DHX30: variants seen among roughly 807,000 people sequenced by gnomAD.
DHX30 encodes the protein DExH-box helicase 30, also known as ATP-dependent RNA helicase DHX30.
Under a neutral mutation model 116.9 loss-of-function variants are expected in DHX30, and 4 were observed. The observed-to-expected ratio is 0.03, with a 90% CI of 0.02 to 0.08. The LOEUF (loss-of-function observed/expected upper bound fraction) is 0.08, where lower values mean the gene tolerates loss of function less well. Ranked by LOEUF, DHX30 falls within the 10% of genes least tolerant of loss-of-function variation. The pLI, the probability that DHX30 is intolerant of heterozygous loss-of-function variation, is 1.00. For missense variants in DHX30, 871 were observed against 1,595.1 expected (o/e 0.55, Z 7.73); for synonymous variants, 697 against 651.7 (o/e 1.07, Z -1.06).
intron 3 of DHX30, among the ~76,000 whole-genome samples, chr3:47,813,105 G>A (rs1329442727): frequency 6.6e-6 from 1 of 151,842 alleles, no homozygotes; most frequent in Non-Finnish European, 1.5e-5. Context: ...TTGGGAGGCC[G>A]AGGCAGGCGG....
chr3:47,830,005 T>A lies in DHX30; in HGVS notation c.366+871T>A, dbSNP rs1219767535. Among the ~76,000 whole-genome samples the A allele has an allele frequency of 2.6e-5, 4 of 151,610 alleles. No homozygotes were observed. The East Asian group carries it at 7.9e-4, about 30-fold the overall frequency. ...CGCCACCATGCCCGACTAATTTTTG[T>A]ATTTTTAGTAGAGATGGGGTTTCAA... is the stretch of plus-strand genomic sequence containing the variant. On this transcript the variant is annotated intron_variant, in intron 6 of 21. Coordinates refer to ENST00000445061, the MANE Select transcript of DHX30 (RefSeq NM_138615.3).
Position 47,846,339 on chromosome 3 carries a change from C to T in DHX30, c.1267C>T (p.Arg423Trp), listed in dbSNP as rs374087015. ...CCAGAGTCTGCTAGAACTGTGGCGGCGGCGAGGGCCGGTCTGGCAGGAGGC... is the reference window on the plus strand; with the variant it reads ...CCAGAGTCTGCTAGAACTGTGGCGGTGGCGAGGGCCGGTCTGGCAGGAGGC... ...LSQSLLELWR[R>W]RGPVWQEAPQ... Residue 423 changes from arginine (R) to tryptophan (W), a missense_variant, in exon 11 of 22, where the codon CGG becomes TGG. This residue lies in a region of DHX30 where 175 missense variants were observed against 292.9 expected (regional missense o/e 0.60). Transcript: ENST00000445061. The T allele has an allele frequency of 9.3e-6, 15 of 1,613,916 alleles. No individual in the cohort carries two copies. The highest frequency in any genetic ancestry group is 2.2e-5 in the East Asian group (1 of 44,890).
intron 4 of DHX30, among the ~76,000 whole-genome samples, chr3:47,826,317 T>G (rs1191780273): frequency 6.6e-6 from 1 of 152,172 alleles, no homozygotes; most frequent in East Asian, 1.9e-4. Flanking sequence ...GCTCTGAGAT[T>G]AATCCAAAAA....
At chr3:47,825,060 C>T (rs918866742) in intron 4 of DHX30, 16 of 665,204 alleles carry the variant, frequency 2.4e-5, no homozygotes, top group Non-Finnish European at 4.1e-5. Context: ...CTAGGAGACT[C>T]ATGGCGCTGG....
intron 6 of DHX30, among the ~76,000 whole-genome samples, chr3:47,830,340 C>T (rs763727590): frequency 9.3e-4 from 140 of 150,802 alleles, no homozygotes; most frequent in Non-Finnish European, 1.6e-3. Context: ...CCCAGCTACT[C>T]GGGAGGCTGA....
intron 4 of DHX30, among the ~76,000 whole-genome samples, chr3:47,824,336 G>A (rs567594841): frequency 1.3e-4 from 20 of 152,110 alleles, no homozygotes; most frequent in Admixed American, 6.6e-4. Context: ...ACTTTACGCT[G>A]GACCAGCTCA....
Position 47,848,907 on chromosome 3 carries a change from T to A in DHX30, c.2770-13T>A. On this transcript the variant is annotated splice_polypyrimidine_tract_variant and intron_variant, in intron 17 of 21. Transcript: ENST00000445061. The surrounding 1 kb of genome is among the most constrained non-coding windows in gnomAD (Gnocchi z 9.4). The stretch of plus-strand genomic sequence containing the variant: ...CCTGCCTGTGATCCGGCTGCCCTCT[T>A]CTCCCCTCCCAGGTGAAAGCACTGT... 1 of 1,598,012 alleles carries A rather than the reference T, an allele frequency of 6.3e-7. No homozygotes were observed. Among genetic ancestry groups the A allele is most frequent in the Non-Finnish European group, 8.6e-7 (1 of 1,168,840 alleles).
chr3:47,838,865 C>T (rs1339788508), intron 6 of DHX30, among the ~76,000 whole-genome samples: 2 of 152,096 alleles, frequency 1.3e-5, no homozygotes, highest in Non-Finnish European at 2.9e-5. Context: ...TGCTTAGATT[C>T]CTTGTTTGTT....
At chr3:47,828,588 A>G (rs992344659) in intron 5 of DHX30, among the ~76,000 whole-genome samples, 7 of 151,938 alleles carry the variant, frequency 4.6e-5, no homozygotes, top group Non-Finnish European at 8.8e-5. Flanking sequence ...TGGCTAACAT[A>G]GTGAAATCCC....
intron 3 of DHX30, among the ~76,000 whole-genome samples, chr3:47,810,922 C>T (rs1474166011): frequency 6.6e-6 from 1 of 152,136 alleles, no homozygotes; most frequent in East Asian, 1.9e-4. Context: ...CCCAGTGCCC[C>T]CTTCTGCGTA....
At chr3:47,807,721 A>C (rs1559683629) in intron 2 of DHX30, among the ~76,000 whole-genome samples, 1 of 150,956 alleles carries the variant, frequency 6.6e-6, no homozygotes, top group African/African-American at 2.4e-5. Flanking sequence ...AAAAAAAAAA[A>C]AAAAAAGCAA....
rs778440798 is a variant in DHX30, at chr3:47,827,365, A to G, written c.143A>G (p.Lys48Arg). The G allele has an allele frequency of 1.2e-6, 2 of 1,611,578 alleles. No homozygotes were observed. Among genetic ancestry groups the G allele is most frequent in the Admixed American group, 3.4e-5 (2 of 59,188 alleles). The change falls in exon 5 of 22, where the codon AAA becomes AGA. Residue 48 changes from lysine (K) to arginine (R), a missense_variant. Physicochemically the swap from Lys to Arg is conservative, Grantham distance 26 (BLOSUM62 2). Coordinates refer to ENST00000445061, the MANE Select transcript of DHX30 (RefSeq NM_138615.3). ...TISRASRDLL[K>R]EFPQPKNLLN... ...TTCTTAGCTTCTAGGGACCTATTAA[A>G]AGAGTTCCCACAGCCCAAAAATCTT...
chr3:47,818,090 C>T lies in DHX30; in HGVS notation c.97C>T (p.Pro33Ser), dbSNP rs1213855837. The change falls in exon 4 of 22, where the codon CCT becomes TCT. Residue 33 changes from proline to serine, a missense_variant. By Grantham distance (74) the Pro-to-Ser change is moderately conservative. Transcript: ENST00000445061. Reference protein sequence around the residue: ...PPRLPPMCVNPTPGGTISRAS... With the variant: ...PPRLPPMCVNSTPGGTISRAS... ...CCGCCTTCCACCCATGTGTGTCAACCCTACCCCAGGAGGGACCATCTCTCG... is the reference window on the plus strand; with the variant it reads ...CCGCCTTCCACCCATGTGTGTCAACTCTACCCCAGGAGGGACCATCTCTCG... 1.3e-6 allele frequency: 1 copy of T among 780,910 alleles called. No homozygotes were observed. Among genetic ancestry groups the T allele is most frequent in the East Asian group, 2.4e-5 (1 of 41,264 alleles). The allele number at this position is 780,910 out of a possible 1,614,324, so 48.4% of individuals were successfully genotyped here.
chr3:47,849,842 CCCA>C, intron 21 of DHX30, 22 bp from the exon 22 acceptor site: 4 of 1,610,730 alleles, frequency 2.5e-6, no homozygotes, highest in African/African-American at 1.3e-5. Context: ...ACCACAGTTC[CCCA>C]CCATCTTTTC....
chr3:47,837,247 G>A (rs1477222841), intron 6 of DHX30, among the ~76,000 whole-genome samples: 1 of 152,216 alleles, frequency 6.6e-6, no homozygotes, highest in African/African-American at 2.4e-5. Flanking sequence ...TGGGCCATGC[G>A]GTAGACGGGC....
At chr3:47,807,323 T>C (rs115919742) in intron 2 of DHX30, among the ~76,000 whole-genome samples, 332 of 152,282 alleles carry the variant, frequency 2.2e-3, no homozygotes, top group African/African-American at 7.7e-3. Context: ...TTGATTCTCA[T>C]AGTATCGTTT....
chr3:47,848,780 TCAG>T lies in DHX30; in HGVS notation c.2740_2742del (p.Ser914del). ...GTTTCCTGCCTCACCCGGGACCCCT[TCAG>T]CAGCAGCCTACAGAACCGGGCAGAG... is the stretch of plus-strand genomic sequence containing the variant. On this transcript the variant is annotated inframe_deletion, in exon 17 of 22. Coordinates refer to ENST00000445061, the MANE Select transcript of DHX30 (RefSeq NM_138615.3). The surrounding 1 kb of genome is among the most constrained non-coding windows in gnomAD (Gnocchi z 9.4). The T allele has an allele frequency of 6.2e-7, 1 of 1,614,018 alleles. No homozygotes were observed. Among genetic ancestry groups the T allele is most frequent in the Non-Finnish European group, 8.5e-7 (1 of 1,179,904 alleles).
At chr3:47,824,184 G>A (rs773896058) in intron 4 of DHX30, among the ~76,000 whole-genome samples, 2 of 151,848 alleles carry the variant, frequency 1.3e-5, no homozygotes, top group Non-Finnish European at 2.9e-5. Flanking sequence ...TGTATTTTTA[G>A]TAGAGATGGG....
chr3:47,809,973 C>G (rs1015575454), intron 2 of DHX30, among the ~76,000 whole-genome samples: 2 of 152,112 alleles, frequency 1.3e-5, no homozygotes, highest in Non-Finnish European at 2.9e-5. Flanking sequence ...CTTGTCATCT[C>G]TAAGTATAGT....
Sources: gnomAD v4.1 joint callset for allele counts (sites outside exome capture counted in the v4.1 genomes callset) on GRCh38, gnomAD v4.1.1 for gene constraint, gnomAD v4.1.1 regional missense constraint, Gnocchi (gnomAD v3.1) non-coding constraint, MANE v1.5 for transcripts, NCBI Gene and HGNC (gene_info 2026-07-23, HGNC 2026-07-21) for gene names.